The following PGAP4 variants were observed in gnomAD, a reference collection of about 807,000 sequenced individuals.
The protein encoded by PGAP4 is post-GPI attachment to proteins GalNAc transferase 4, also known as GPI-N-acetylgalactosamine transferase PGAP4.
In PGAP4, 12 loss-of-function variants were observed where a neutral mutation model predicts 28.2. The ratio of observed to expected loss-of-function variants is 0.42; its 90% CI spans 0.27 to 0.69. PGAP4 has a LOEUF of 0.69. PGAP4 is among the 30% of genes least tolerant of loss of function. PGAP4 has a pLI of 0.22. For missense variants in PGAP4, 425 were observed against 513.5 expected, an observed-to-expected ratio of 0.83 and a Z score of 1.67; for synonymous variants, 205 against 211.8, an observed-to-expected ratio of 0.97 and a Z score of 0.28.
In PGAP4 at chr9:101,514,340, T is replaced by G. The variant is rs182444888; in HGVS notation, c.-165+17008A>C. 1.8e-3 allele frequency among the ~76,000 whole-genome samples: 269 copies of G among 152,298 alleles called. 1 individual carries two copies. The highest frequency in any genetic ancestry group is 6.2e-3 in the African/African-American group (258 of 41,572). On this transcript the variant is annotated intron_variant, in intron 2 of 3. Coordinates refer to the PGAP4 transcript ENST00000374851. ...CTCCATAGTCCTTCTAAAAATAGGTTTAACTGATTAAAATATTTTGCTTCG... is the reference window on the plus strand; with the variant it reads ...CTCCATAGTCCTTCTAAAAATAGGTGTAACTGATTAAAATATTTTGCTTCG...
chr9:101,519,666 T>TAC (rs1263179582), intron 2 of PGAP4, among the ~76,000 whole-genome samples: 2 of 150,610 alleles, frequency 1.3e-5, no homozygotes, highest in Non-Finnish European at 3.0e-5. Context: ...CATATATATA[T>TAC]ACACACATAC....
At chr9:101,508,126 GTT>G (rs199835888) in intron 2 of PGAP4, among the ~76,000 whole-genome samples, 32,068 of 127,320 alleles carry the variant, frequency 0.25, 3,537 homozygotes, top group African/African-American at 0.4. Flanking sequence ...CTTTTTGAGT[GTT>G]TTTTTTTTTT....
intron 2 of PGAP4, among the ~76,000 whole-genome samples, chr9:101,498,433 A>G (rs1447823175): frequency 3.3e-5 from 5 of 151,644 alleles, no homozygotes. Context: ...GAAGGTGTCC[A>G]TGTTGTTAGT....
intron 2 of PGAP4, among the ~76,000 whole-genome samples, chr9:101,516,957 A>C (rs1407945688): frequency 6.6e-6 from 1 of 152,184 alleles, no homozygotes; most frequent in South Asian, 2.1e-4. Context: ...GTGGATGGTC[A>C]CTGCTCATGA....
In PGAP4 at chr9:101,476,658, G is replaced by A. The variant is rs1384006957; in HGVS notation, c.435C>T (p.Asn145=). The A allele has an allele frequency of 3.1e-6, 5 of 1,614,074 alleles. No homozygotes were observed. The highest frequency in any genetic ancestry group is 1.3e-5 in the African/African-American group (1 of 74,930). Residue 145 remains asparagine (N), a synonymous_variant, in exon 2 of 2, where the codon AAC becomes AAT. Coordinates refer to ENST00000374848, the MANE Select transcript of PGAP4 (RefSeq NM_032342.3). The surrounding 1 kb of genome is among the most constrained non-coding windows in gnomAD (Gnocchi z 7.0). ...QCEGHQLFLC[N]VERSVSHFDA... ...CAAAATGGCTCACACTACGCTCCAC[G>A]TTGCACAGGAAGAGTTGGTGCCCCT...
chr9:101,515,669 T>C (rs1826938299), intron 2 of PGAP4, among the ~76,000 whole-genome samples: 1 of 152,134 alleles, frequency 6.6e-6, no homozygotes, highest in Non-Finnish European at 1.5e-5. Flanking sequence ...AAACTCTTAT[T>C]CATAAATGTA....
chr9:101,481,772 G>A (rs1195860146), intron 1 of PGAP4, among the ~76,000 whole-genome samples: 1 of 152,184 alleles, frequency 6.6e-6, no homozygotes, highest in East Asian at 1.9e-4. Context: ...AGAATGTTCT[G>A]TGTTTCCCAA....
At chr9:101,489,439 AC>A (rs1826666537), upstream of PGAP4, among the ~76,000 whole-genome samples, 1 of 152,106 alleles carries the variant, frequency 6.6e-6, no homozygotes, top group Non-Finnish European at 1.5e-5. Flanking sequence ...TGCAGTGCAT[AC>A]CCTAGGGCTT....
At chr9:101,533,196 A>C (rs1439261158) in exon 1 of PGAP4, 1 of 152,270 alleles carries the variant, frequency 6.6e-6, no homozygotes, top group African/African-American at 2.4e-5. Context: ...TTGTTCCCAA[A>C]AAAGCACAAG....
chr9:101,495,738 T>C (rs893222309), intron 2 of PGAP4, among the ~76,000 whole-genome samples: 6 of 150,802 alleles, frequency 4.0e-5, no homozygotes, highest in African/African-American at 1.5e-4. Context: ...CTTTATTACT[T>C]TTAAAGTAAT....
intron 1 of PGAP4, among the ~76,000 whole-genome samples, chr9:101,482,271 C>T (rs34607887): frequency 0.062 from 9,389 of 152,200 alleles, 452 homozygotes; most frequent in Admixed American, 0.095. Flanking sequence ...CATGGTGAAA[C>T]GCCATCTCTA....
At chr9:101,522,641 ATAGT>A (rs1331369089) in intron 2 of PGAP4, among the ~76,000 whole-genome samples, 1 of 152,098 alleles carries the variant, frequency 6.6e-6, no homozygotes, top group African/African-American at 2.4e-5. Flanking sequence ...AAGGCAGCAG[ATAGT>A]TGGTTGGTGA....
chr9:101,530,821 T>C (rs890764423), intron 2 of PGAP4, among the ~76,000 whole-genome samples: 5 of 152,228 alleles, frequency 3.3e-5, no homozygotes, highest in Admixed American at 2.6e-4. Flanking sequence ...ATGTGTCAAT[T>C]TCGCTGGGCC....
rs112675018 is a variant in PGAP4, at chr9:101,519,980, C to T, written c.-165+11368G>A. ...AGCACCATTTGTTGAATAGAGTGTC[C>T]TTTCCCTGCTTTTATGTTTTGTTTG... On this transcript the variant is annotated intron_variant, in intron 2 of 3. Transcript: ENST00000374851. 2.9e-3 allele frequency among the ~76,000 whole-genome samples: 434 copies of T among 152,210 alleles called. 6 individuals are homozygous for T. In the Middle Eastern group the frequency reaches 0.031, roughly 11 times the overall value.
At chr9:101,496,699 A>G (rs563570458) in intron 2 of PGAP4, among the ~76,000 whole-genome samples, 1 of 151,426 alleles carries the variant, frequency 6.6e-6, no homozygotes, top group Non-Finnish European at 1.5e-5. Context: ...GTTCTTTAAA[A>G]AAACCAAAAA....
intron 2 of PGAP4, among the ~76,000 whole-genome samples, chr9:101,511,088 C>T (rs763401668): frequency 2.0e-5 from 3 of 152,192 alleles, no homozygotes; most frequent in Non-Finnish European, 4.4e-5. Context: ...ATTAGATTCT[C>T]ATAAGGAGCA....
At chr9:101,483,820 C>T (rs1470680668) in intron 1 of PGAP4, among the ~76,000 whole-genome samples, 1 of 152,050 alleles carries the variant, frequency 6.6e-6, no homozygotes, top group Non-Finnish European at 1.5e-5. Flanking sequence ...GCAGAATATA[C>T]ACACATACTA....
At chr9:101,518,063 T>C (rs1441071822) in intron 2 of PGAP4, among the ~76,000 whole-genome samples, 1 of 152,042 alleles carries the variant, frequency 6.6e-6, no homozygotes, top group Non-Finnish European at 1.5e-5. Flanking sequence ...GTCTTCATTG[T>C]CTATTGTTTC....
rs1282922649 is a variant in PGAP4 at position 101,475,751 on chromosome 9, G to C, written c.*130C>G. On this transcript the variant is annotated 3_prime_UTR_variant, in exon 2 of 2. Transcript: ENST00000374848. Reference sequence around the variant, plus strand: ...GCTCTTAACATATTGAGGTTCCTCAGCTGCCCCAGTGCCTATATCTCTAAC... The same window carrying C: ...GCTCTTAACATATTGAGGTTCCTCACCTGCCCCAGTGCCTATATCTCTAAC... 4.8e-6 allele frequency: 5 copies of C among 1,037,786 alleles called. No homozygotes were observed. The highest frequency in any genetic ancestry group is 4.9e-5 in the Admixed American group (2 of 40,578). The allele number at this position is 1,037,786 out of a possible 1,614,324, so 64.3% of individuals were successfully genotyped here.
Sources: gnomAD v4.1 joint callset for allele counts (sites outside exome capture counted in the v4.1 genomes callset) on GRCh38, gnomAD v4.1.1 for gene constraint, Gnocchi (gnomAD v3.1) non-coding constraint, MANE v1.5 for transcripts, NCBI Gene and HGNC (gene_info 2026-07-23, HGNC 2026-07-21) for gene names.